IRAK3: variants seen among roughly 807,000 people sequenced by gnomAD.
The protein encoded by IRAK3 is interleukin 1 receptor associated kinase 3.
Under a neutral mutation model 56.6 loss-of-function variants are expected in IRAK3, and 57 were observed. That is an observed-to-expected ratio of 1.01 (90% CI 0.81 to 1.26). IRAK3 has a LOEUF of 1.26. Among genes scored for constraint, IRAK3 ranks in the 50% most tolerant of loss-of-function variants. IRAK3 has a pLI of 0.00. For missense variants in IRAK3, 703 were observed against 719.0 expected (o/e 0.98, Z 0.25); for synonymous variants, 258 against 255.7 (o/e 1.01, Z -0.09).
intron 1 of IRAK3, chr12:66,197,640 GT>G: frequency 5.1e-6 from 5 of 985,390 alleles, no homozygotes; most frequent in Non-Finnish European, 6.0e-6. Context: ...GTCTGGATCA[GT>G]TTTTTACCAT....
At position 66,227,761 on chromosome 12, in the gene IRAK3, C is replaced by CA. The variant is rs34349535; in HGVS notation, c.769-474dup. 6.2e-3 allele frequency among the ~76,000 whole-genome samples: 668 copies of CA among 107,800 alleles called. 6 individuals are homozygous for CA. The highest frequency in any genetic ancestry group is 0.019 in the South Asian group (63 of 3,342). The allele number at this position is 107,800 out of a possible 152,430, so 70.7% of individuals were successfully genotyped here. ...GGTGACACGGAGTGAGACCTTGTCTCAAAAAAAAAAAAAAAAAGAGAGAGA... is the reference window on the plus strand; with the variant it reads ...GGTGACACGGAGTGAGACCTTGTCTCAAAAAAAAAAAAAAAAAAGAGAGAGA... On this transcript the variant is annotated intron_variant, in intron 7 of 11. Coordinates refer to ENST00000261233, the MANE Select transcript of IRAK3 (RefSeq NM_007199.3).
At chr12:66,196,873 C>T in intron 1 of IRAK3, 2 of 1,503,668 alleles carry the variant, frequency 1.3e-6, no homozygotes, top group East Asian at 2.5e-5. Flanking sequence ...TCCTTTTTCC[C>T]TTACAGTGTC....
intron 1 of IRAK3, among the ~76,000 whole-genome samples, chr12:66,190,362 T>A (rs1439347901): frequency 6.7e-6 from 1 of 149,576 alleles, no homozygotes; most frequent in African/African-American, 2.4e-5. Context: ...TTTTAAGCTC[T>A]GTAATTTTAA....
In IRAK3 at chr12:66,217,217, A is replaced by C; in HGVS notation, c.635A>C (p.Glu212Ala). The C allele has an allele frequency of 3.1e-6, 5 of 1,611,156 alleles. No individual in the cohort carries two copies. The highest frequency in any genetic ancestry group is 4.2e-6 in the Non-Finnish European group (5 of 1,177,406). Residue 212 changes from glutamate (E) to alanine (A), a missense_variant, in exon 6 of 12, where the codon GAG (glutamate) becomes GCG (alanine). By Grantham distance (107) the Glu-to-Ala change is moderately radical (BLOSUM62 -1). Coordinates refer to ENST00000261233, the MANE Select transcript of IRAK3 (RefSeq NM_007199.3). ...AAGCATTGGAAGAGGTTTTTATCTG[A>C]GCTTGAAGTTTTACTACTGTGAGTA... ...CKKHWKRFLS[E>A]LEVLLLFHHP...
chr12:66,203,745 T>A lies in IRAK3; in HGVS notation c.168T>A (p.Arg56=). The A allele has an allele frequency of 6.2e-7, 1 of 1,614,136 alleles. No individual in the cohort carries two copies. The highest frequency in any genetic ancestry group is 8.5e-7 in the Non-Finnish European group (1 of 1,180,012). Residue 56 remains arginine (R), a synonymous_variant, in exon 2 of 12, where the codon CGT becomes CGA. Coordinates refer to ENST00000261233, the MANE Select transcript of IRAK3 (RefSeq NM_007199.3). ...ERLSSSWLDV[R]HIEKYVDQGK... ...TTTCAAGCAGCTGGCTGGATGTTCG[T>A]CATATTGAAAAGTATGTAGACCAAG...
intron 8 of IRAK3, among the ~76,000 whole-genome samples, chr12:66,233,733 A>G (rs2052869977): frequency 6.6e-6 from 1 of 151,224 alleles, no homozygotes; most frequent in Non-Finnish European, 1.5e-5. Flanking sequence ...ATAAGTCTTC[A>G]CGGTCTTTGT....
chr12:66,195,800 C>T (rs758742022), intron 1 of IRAK3, among the ~76,000 whole-genome samples: 15 of 152,206 alleles, frequency 9.9e-5, no homozygotes, highest in South Asian at 2.1e-4. Context: ...GGATTACAGG[C>T]GCCTACCACA....
intron 6 of IRAK3, among the ~76,000 whole-genome samples, chr12:66,218,480 T>G (rs1244207673): frequency 1.3e-5 from 2 of 152,196 alleles, no homozygotes; most frequent in African/African-American, 4.8e-5. Flanking sequence ...TCATAACAAA[T>G]TGTCCTCCAA....
chr12:66,215,828 A>T lies in IRAK3; in HGVS notation c.589-1343A>T, dbSNP rs185690823. Among the ~76,000 whole-genome samples, 48 of 151,508 alleles carry T rather than the reference A, an allele frequency of 3.2e-4. No homozygotes were observed. The South Asian group carries it at 4.6e-3, about 14-fold the overall frequency. On this transcript the variant is annotated intron_variant, in intron 5 of 11. Coordinates refer to ENST00000261233, the MANE Select transcript of IRAK3 (RefSeq NM_007199.3). ...CACACACACACACACACACACACAC[A>T]CTTATCAGGAAAAAATGAGAGCATT...
chr12:66,194,045 C>T (rs1348600905), intron 1 of IRAK3, among the ~76,000 whole-genome samples: 1 of 152,142 alleles, frequency 6.6e-6, no homozygotes, highest in Non-Finnish European at 1.5e-5. Context: ...CTTCCCACCT[C>T]AGACTCCCAA....
At chr12:66,218,670 G>A (rs939328230) in intron 6 of IRAK3, among the ~76,000 whole-genome samples, 5 of 152,158 alleles carry the variant, frequency 3.3e-5, no homozygotes, top group African/African-American at 1.2e-4. Context: ...ATATATTAAT[G>A]TGTACAATGT....
intron 6 of IRAK3, among the ~76,000 whole-genome samples, chr12:66,219,479 C>T (rs545439289): frequency 2.0e-5 from 3 of 152,234 alleles, no homozygotes; most frequent in African/African-American, 7.2e-5. Flanking sequence ...GCATCCCCAG[C>T]CACATGGAAC....
At chr12:66,224,622 G>A (rs567683806) in intron 6 of IRAK3, among the ~76,000 whole-genome samples, 1 of 152,272 alleles carries the variant, frequency 6.6e-6, no homozygotes, top group African/African-American at 2.4e-5. Context: ...AGGGGAAAAA[G>A]CTAATAATTT....
chr12:66,198,950 G>C (rs2136915607), intron 1 of IRAK3, among the ~76,000 whole-genome samples: 1 of 151,806 alleles, frequency 6.6e-6, no homozygotes, highest in East Asian at 1.9e-4. Context: ...TAGAGATGGG[G>C]TTTTGCCATG....
At chr12:66,234,060 G>A (rs1175849541) in intron 8 of IRAK3, 8 of 1,613,258 alleles carry the variant, frequency 5.0e-6, no homozygotes, top group South Asian at 1.1e-5. Context: ...ACACCTTTCT[G>A]TACATCTCAC....
chr12:66,254,612 G>C lies in IRAK3; in HGVS notation c.*6441G>C, dbSNP rs1350670999. On this transcript the variant is annotated 3_prime_UTR_variant, in exon 12 of 12. Coordinates refer to ENST00000261233, the MANE Select transcript of IRAK3 (RefSeq NM_007199.3). ...TTTATTAGAAAAGAATAAAGTTTTT[G>C]AAAAAAAAAACAGTCATTTTCTACA... The C allele has an allele frequency of 7.0e-6, 1 of 143,274 alleles. No homozygotes were observed. Among genetic ancestry groups the C allele is most frequent in the Non-Finnish European group, 1.5e-5 (1 of 65,188 alleles). The allele number at this position is 143,274 out of a possible 1,614,324, so 8.9% of individuals were successfully genotyped here. A position where few individuals can be genotyped will look rare whatever the true frequency, so the allele number is the denominator to read the frequency against.
chr12:66,226,975 A>G, intron 7 of IRAK3, 138 bp downstream of exon 7: 1 of 691,206 alleles, frequency 1.4e-6, no homozygotes, highest in South Asian at 1.5e-5. Flanking sequence ...CCAAGGAAGC[A>G]GTACTTCTTG....
rs2053128247 is a variant in IRAK3, at chr12:66,254,001, T to C, written c.*5830T>C. 1 of 152,200 alleles carries C rather than the reference T, an allele frequency of 6.6e-6. No individual in the cohort carries two copies. Among genetic ancestry groups the C allele is most frequent in the African/African-American group, 2.4e-5 (1 of 41,454 alleles). 9.4% of individuals were successfully genotyped at this position (152,200 alleles called of 1,614,324 possible). A position where few individuals can be genotyped will look rare whatever the true frequency, so the allele number is the denominator to read the frequency against. ...GAAAACAGCTAATAAAGATGTGTTA[T>C]TTTATTTTATTATTATTAATTTTGT... is the stretch of plus-strand genomic sequence containing the variant. On this transcript the variant is annotated 3_prime_UTR_variant, in exon 12 of 12. Coordinates refer to ENST00000261233, the MANE Select transcript of IRAK3 (RefSeq NM_007199.3).
At chr12:66,209,035 T>C (rs2052586144) in intron 2 of IRAK3, among the ~76,000 whole-genome samples, 1 of 148,956 alleles carries the variant, frequency 6.7e-6, no homozygotes, top group Non-Finnish European at 1.5e-5. Flanking sequence ...ATCATGCCAC[T>C]GTACTACAGC....
Sources: allele counts gnomAD v4.1 joint callset (sites outside exome capture counted in the v4.1 genomes callset), GRCh38; gene constraint gnomAD v4.1.1; transcripts MANE v1.5; gene names NCBI Gene and HGNC (gene_info 2026-07-23, HGNC 2026-07-21).